The following LRP1B variants were observed in gnomAD, a reference collection of about 807,000 sequenced individuals.
LRP1B encodes LDL receptor related protein 1B.
LRP1B carries 217 observed loss-of-function variants against 556.6 expected under a neutral mutation model. That is an observed-to-expected ratio of 0.39 (90% CI 0.35 to 0.44). The LOEUF (loss-of-function observed/expected upper bound fraction) is 0.44, where lower values mean the gene tolerates loss of function less well. LRP1B is among the 20% of genes least tolerant of loss of function. The pLI is 1.00. For synonymous variants in LRP1B, 2,047 were observed against 1,865.8 expected (o/e 1.10, Z -2.50); for missense variants, 5,053 against 5,620.8 (o/e 0.90, Z 3.23).
At chr2:140,367,176 A>T (rs1017017087) in intron 71 of LRP1B, among the ~76,000 whole-genome samples, 62 of 151,904 alleles carry the variant, frequency 4.1e-4, no homozygotes, top group African/African-American at 1.4e-3. Flanking sequence ...TTATTAATTA[A>T]GAGAGGCAGC....
At chr2:141,161,021 A>G (rs910302646) in intron 7 of LRP1B, among the ~76,000 whole-genome samples, 2 of 152,092 alleles carry the variant, frequency 1.3e-5, no homozygotes, top group Non-Finnish European at 1.5e-5. Context: ...TGAGTGGTAC[A>G]AGAGGAACTT....
intron 2 of LRP1B, among the ~76,000 whole-genome samples, chr2:141,700,893 A>G (rs1691918703): frequency 6.6e-6 from 1 of 151,866 alleles, no homozygotes; most frequent in East Asian, 1.9e-4. Flanking sequence ...TCTACTCTCA[A>G]TATCTTACTG....
intron 41 of LRP1B, among the ~76,000 whole-genome samples, chr2:140,696,307 G>C (rs947526444): frequency 6.6e-6 from 1 of 152,048 alleles, no homozygotes; most frequent in African/African-American, 2.4e-5. Flanking sequence ...CACCTAAAAA[G>C]CTTTCAGAGA....
intron 7 of LRP1B, among the ~76,000 whole-genome samples, chr2:141,157,903 T>C (rs1330975998): frequency 6.6e-6 from 1 of 152,168 alleles, no homozygotes; most frequent in African/African-American, 2.4e-5. Context: ...GCAACCATAA[T>C]AGTTATTGAA....
chr2:141,335,196 C>T (rs1007395022), intron 3 of LRP1B, among the ~76,000 whole-genome samples: 9 of 152,254 alleles, frequency 5.9e-5, no homozygotes, highest in African/African-American at 2.2e-4. Context: ...GGAAAAGACA[C>T]ACAAAGGCAA....
intron 5 of LRP1B, among the ~76,000 whole-genome samples, chr2:141,243,485 A>C (rs1683956634): frequency 6.6e-6 from 1 of 152,172 alleles, no homozygotes; most frequent in African/African-American, 2.4e-5. Flanking sequence ...ACATCTCTTA[A>C]AGAAAATAAA....
intron 2 of LRP1B, among the ~76,000 whole-genome samples, chr2:141,793,534 CAA>C (rs1383343454): frequency 4.6e-5 from 7 of 151,908 alleles, no homozygotes; most frequent in African/African-American, 1.7e-4. Context: ...AAAAATCACT[CAA>C]AGTTATCAGA....
At position 141,229,361 on chromosome 2, in the gene LRP1B, C is replaced by T. The variant is rs2105294142; in HGVS notation, c.672G>A (p.Met224Ile). 6.2e-7 allele frequency: 1 copy of T among 1,611,322 alleles called. No individual in the cohort carries two copies. Among genetic ancestry groups the T allele is most frequent in the South Asian group, 1.1e-5 (1 of 90,950 alleles). ...IEVFYLNGSKMATLSSVNGNE... is the reference protein window; with the variant it reads ...IEVFYLNGSKIATLSSVNGNE... The stretch of plus-strand genomic sequence containing the variant: ...TTCCATTGACTGAGCTTAGAGTTGC[C>T]ATTTTACTTCCATTAAGATAGAAAA... Residue 224 changes from methionine (M) to isoleucine (I), a missense_variant, in exon 6 of 91, where the codon ATG (methionine) becomes ATA (isoleucine). By Grantham distance (10) the Met-to-Ile change is conservative. Transcript: ENST00000389484.
chr2:141,926,831 G>A (rs895038410), intron 1 of LRP1B, among the ~76,000 whole-genome samples: 1 of 152,134 alleles, frequency 6.6e-6, no homozygotes, highest in African/African-American at 2.4e-5. Context: ...AATACAAAGA[G>A]TGTCCTAAGA....
intron 2 of LRP1B, among the ~76,000 whole-genome samples, chr2:141,613,770 T>A (rs1688190474): frequency 6.6e-6 from 1 of 152,056 alleles, no homozygotes; most frequent in South Asian, 2.1e-4. Flanking sequence ...ACGGTCAAAT[T>A]CCTTTAGAAA....
chr2:141,395,513 C>G (rs1352956985), intron 3 of LRP1B, among the ~76,000 whole-genome samples: 1 of 152,088 alleles, frequency 6.6e-6, no homozygotes, highest in African/African-American at 2.4e-5. Flanking sequence ...GATGTTCACA[C>G]AATGATGAAA....
At chr2:141,264,939 AG>A (rs1400290151) in intron 3 of LRP1B, among the ~76,000 whole-genome samples, 2 of 152,188 alleles carry the variant, frequency 1.3e-5, no homozygotes, top group Admixed American at 6.5e-5. Context: ...GGAGGCAGGC[AG>A]GGCCGGAGCC....
At chr2:142,100,806 A>G (rs1057264892) in intron 1 of LRP1B, among the ~76,000 whole-genome samples, 16 of 151,982 alleles carry the variant, frequency 1.1e-4, no homozygotes, top group Admixed American at 5.3e-4. Flanking sequence ...TGATAGATTG[A>G]TCTGGGTTGT....
chr2:140,585,279 T>C (rs1003252661), intron 43 of LRP1B, among the ~76,000 whole-genome samples: 2 of 152,120 alleles, frequency 1.3e-5, no homozygotes, highest in Non-Finnish European at 2.9e-5. Flanking sequence ...CTATTAGTCA[T>C]ATTCTACAGC....
At chr2:141,322,935 A>T (rs1386741896) in intron 3 of LRP1B, among the ~76,000 whole-genome samples, 1 of 152,144 alleles carries the variant, frequency 6.6e-6, no homozygotes, top group African/African-American at 2.4e-5. Context: ...CTTACATATT[A>T]TCTGAGCTTG....
intron 2 of LRP1B, among the ~76,000 whole-genome samples, chr2:141,708,379 T>G (rs969064644): frequency 1.3e-5 from 2 of 152,030 alleles, no homozygotes; most frequent in African/African-American, 4.8e-5. Flanking sequence ...AGGGGTCAAA[T>G]GAGCAGCAGA....
intron 3 of LRP1B, among the ~76,000 whole-genome samples, chr2:141,400,899 A>T (rs554202770): frequency 1.3e-5 from 2 of 152,314 alleles, no homozygotes; most frequent in South Asian, 4.1e-4. Context: ...TTTAATTATC[A>T]ATCAAGCCTT....
chr2:140,710,957 A>G (rs1687011130), intron 37 of LRP1B, among the ~76,000 whole-genome samples: 1 of 152,074 alleles, frequency 6.6e-6, no homozygotes, highest in African/African-American at 2.4e-5. Flanking sequence ...TTATCTAATG[A>G]GAGTGACCTG....
chr2:141,658,852 G>C (rs947823208), intron 2 of LRP1B, among the ~76,000 whole-genome samples: 2 of 152,106 alleles, frequency 1.3e-5, no homozygotes, highest in African/African-American at 4.8e-5. Context: ...GGGACACTGA[G>C]AGACAAAAAT....
Sources: allele counts gnomAD v4.1 joint callset (sites outside exome capture counted in the v4.1 genomes callset), GRCh38; gene constraint gnomAD v4.1.1; transcripts MANE v1.5; gene names NCBI Gene and HGNC (gene_info 2026-07-23, HGNC 2026-07-21).